Variants in AGT observed in about 807,000 individuals in gnomAD.
AGT encodes the protein alpha-1 antiproteinase, antitrypsin.
In AGT, 26 loss-of-function variants were observed where a neutral mutation model predicts 28.1. The ratio of observed to expected loss-of-function variants is 0.92; its 90% CI spans 0.68 to 1.28. AGT has a LOEUF of 1.28. Among genes scored for constraint, AGT ranks in the 50% most tolerant of loss-of-function variants. The pLI is 0.00. For synonymous variants in AGT, 259 were observed against 259.6 expected (o/e 1.00, Z 0.02); for missense variants, 596 against 592.3 (o/e 1.01, Z -0.06).
chr1:230,720,494 G>T (rs1663821271), intron 1 of AGT, among the ~76,000 whole-genome samples: 1 of 146,446 alleles, frequency 6.8e-6, no homozygotes, highest in African/African-American at 2.6e-5. Flanking sequence ...GCAGCCAAAT[G>T]CCTAGGCAGA....
upstream of AGT, among the ~76,000 whole-genome samples, chr1:230,718,655 C>T (rs1663786050): frequency 6.6e-6 from 1 of 150,852 alleles, no homozygotes; most frequent in African/African-American, 2.4e-5. Flanking sequence ...TCTGTATCTG[C>T]CTTGTTTCAT....
chr1:230,705,925 G>A lies in AGT; in HGVS notation c.1097+8C>T, dbSNP rs115636911. ...CCCACATTCCAGGGGAGACCGGGAG[G>A]CTCCTACCGGGGAGATAGTTTCTTC... On this transcript the variant is annotated splice_region_variant and intron_variant, in intron 3 of 4. Transcript: ENST00000366667. 80 of 1,613,988 alleles carry A rather than the reference G, an allele frequency of 5.0e-5. No homozygotes were observed. The African/African-American group carries it at 1.0e-3, about 21-fold the overall frequency.
rs535619442 is a variant in AGT at position 230,710,347 on chromosome 1, G to T, written c.477C>A (p.Asp159Glu). Residue 159 changes from aspartate to glutamate, a missense_variant, in exon 2 of 5, where the codon GAC (aspartate) becomes GAA (glutamate). Physicochemically the swap from Asp to Glu is conservative, Grantham distance 45. Coordinates refer to ENST00000366667, the MANE Select transcript of AGT (RefSeq NM_001384479.1). ...LQAILGVPWKDKNCTSRLDAH... is the reference protein window; with the variant it reads ...LQAILGVPWKEKNCTSRLDAH... ...CATCCAGCCGGGAGGTGCAGTTCTT[G>T]TCCTTCCAAGGAACACCCAGGATTG... 4.2e-5 allele frequency: 67 copies of T among 1,614,134 alleles called. No individual in the cohort carries two copies. The South Asian group carries it at 7.2e-4, about 17-fold the overall frequency.
At chr1:230,722,768 C>T (rs570675145) in intron 1 of AGT, among the ~76,000 whole-genome samples, 2 of 152,326 alleles carry the variant, frequency 1.3e-5, no homozygotes, top group East Asian at 3.9e-4. Context: ...TTGGAAGTAA[C>T]TAACTTGCTT....
At chr1:230,714,376 G>T (rs1408451285), upstream of AGT, 1 of 152,392 alleles carries the variant, frequency 6.6e-6, no homozygotes, top group Non-Finnish European at 1.5e-5. Flanking sequence ...AAGTTTGCAG[G>T]AGTCGGGGCC....
intron 1 of AGT, among the ~76,000 whole-genome samples, chr1:230,731,582 T>C (rs1664067018): frequency 6.6e-6 from 1 of 152,202 alleles, no homozygotes; most frequent in South Asian, 2.1e-4. Flanking sequence ...ACACAGAAAC[T>C]TGGCCAGACA....
intron 1 of AGT, among the ~76,000 whole-genome samples, chr1:230,743,799 T>C (rs1425582998): frequency 6.6e-6 from 1 of 152,218 alleles, no homozygotes; most frequent in Non-Finnish European, 1.5e-5. Flanking sequence ...CCCCATGGCA[T>C]CCCAGAGCCA....
At chr1:230,708,341 G>T (rs937033859) in intron 2 of AGT, among the ~76,000 whole-genome samples, 4 of 152,118 alleles carry the variant, frequency 2.6e-5, no homozygotes, top group African/African-American at 9.7e-5. Flanking sequence ...TTTGCCTTCT[G>T]CAGGACCCTC....
chr1:230,745,155 CAAAAG>C lies in AGT; in HGVS notation c.-31+355_-31+359del, dbSNP rs1194041324. ...GTCCTTCATTGTGCAAACAAAGAGA[CAAAAG>C]AGATGCCTTGCAAGTTGAGGCAAGT... On this transcript the variant is annotated intron_variant, in intron 1 of 4. Coordinates refer to the AGT transcript ENST00000681269. 7.2e-5 allele frequency among the ~76,000 whole-genome samples: 11 copies of C among 152,166 alleles called. 1 individual carries two copies. Among genetic ancestry groups the C allele is most frequent in the Admixed American group, 7.2e-4 (11 of 15,270 alleles).
chr1:230,732,471 A>G (rs1250307446), intron 1 of AGT, among the ~76,000 whole-genome samples: 1 of 152,120 alleles, frequency 6.6e-6, no homozygotes, highest in Non-Finnish European at 1.5e-5. Context: ...CTTGAACAGC[A>G]CTGGGGTTAG....
upstream of AGT, chr1:230,714,168 T>C (rs1440705085): frequency 6.6e-6 from 1 of 152,204 alleles, no homozygotes; most frequent in African/African-American, 2.4e-5. Flanking sequence ...GGGGTGGGGA[T>C]GGAGCTGTTC....
At chr1:230,741,307 A>G (rs1664245318) in intron 1 of AGT, among the ~76,000 whole-genome samples, 1 of 152,228 alleles carries the variant, frequency 6.6e-6, no homozygotes, top group South Asian at 2.1e-4. Flanking sequence ...CAAGCCAGAA[A>G]GCAAGGCCAG....
In AGT at chr1:230,703,137, G is replaced by A. The variant is rs1340331094; in HGVS notation, c.*4C>T. 2.5e-6 allele frequency: 4 copies of A among 1,613,216 alleles called. No individual in the cohort carries two copies. The highest frequency in any genetic ancestry group is 1.3e-5 in the African/African-American group (1 of 74,928). ...GCCAGGCACTGTGTTCTGGGGCCCTGGCCTCATGCTGTGCTCAGCGGGTTG... is the reference window on the plus strand; with the variant it reads ...GCCAGGCACTGTGTTCTGGGGCCCTAGCCTCATGCTGTGCTCAGCGGGTTG... On this transcript the variant is annotated 3_prime_UTR_variant, in exon 5 of 5. Transcript: ENST00000366667.
At chr1:230,728,371 G>T (rs778954951) in intron 1 of AGT, among the ~76,000 whole-genome samples, 25 of 152,228 alleles carry the variant, frequency 1.6e-4, no homozygotes, top group Admixed American at 6.5e-4. Context: ...GTTTTACAAA[G>T]ATGACTTAGT....
At chr1:230,739,343 AAAT>A (rs1664204183) in intron 1 of AGT, among the ~76,000 whole-genome samples, 1 of 152,042 alleles carries the variant, frequency 6.6e-6, no homozygotes, top group African/African-American at 2.4e-5. Context: ...CTCTAAAATA[AAAT>A]AATAATAATA....
At chr1:230,732,638 T>G (rs1571986960) in intron 1 of AGT, among the ~76,000 whole-genome samples, 1 of 152,236 alleles carries the variant, frequency 6.6e-6, no homozygotes, top group East Asian at 1.9e-4. Flanking sequence ...ACTGTGTATA[T>G]TATATACTGT....
At position 230,712,037 on chromosome 1, in the gene AGT, A is replaced by C. The variant is rs145002450; in HGVS notation, c.-30-1184T>G. Among the ~76,000 whole-genome samples, 10 of 152,260 alleles carry C rather than the reference A, an allele frequency of 6.6e-5. No individual in the cohort carries two copies. In the East Asian group the frequency reaches 1.7e-3, roughly 27 times the overall value. On this transcript the variant is annotated intron_variant, in intron 1 of 4. Coordinates refer to ENST00000366667, the MANE Select transcript of AGT (RefSeq NM_001384479.1). ...ATTTCATCTGACTCTTCTTGATTGA[A>C]GGGATGAACGTTTATTCTATTGATT... is the stretch of plus-strand genomic sequence containing the variant.
rs1663541420 is a variant in AGT, at chr1:230,710,324, T to C, written c.500A>G (p.Asp167Gly). Residue 167 changes from aspartate to glycine, a missense_variant, in exon 2 of 5, where the codon GAT (aspartate) becomes GGT (glycine). Coordinates refer to ENST00000366667, the MANE Select transcript of AGT (RefSeq NM_001384479.1). ...CAGGGCAGACAGGACCTTGTGCGCA[T>C]CCAGCCGGGAGGTGCAGTTCTTGTC... is the stretch of plus-strand genomic sequence containing the variant. The part of the protein sequence containing the change: ...WKDKNCTSRL[D>G]AHKVLSALQA... 1 of 1,614,078 alleles carries C rather than the reference T, an allele frequency of 6.2e-7. No individual in the cohort carries two copies. Among genetic ancestry groups the C allele is most frequent in the East Asian group, 2.2e-5 (1 of 44,880 alleles).
At chr1:230,728,161 T>C (rs537208350) in intron 1 of AGT, among the ~76,000 whole-genome samples, 128 of 152,186 alleles carry the variant, frequency 8.4e-4, no homozygotes, top group African/African-American at 2.8e-3. Context: ...AGTCACCTGG[T>C]TTCAGAAATA....
Sources: gnomAD v4.1 joint callset for allele counts (sites outside exome capture counted in the v4.1 genomes callset) on GRCh38, gnomAD v4.1.1 for gene constraint, MANE v1.5 for transcripts, NCBI Gene and HGNC (gene_info 2026-07-23, HGNC 2026-07-21) for gene names.